SDK1: variants seen among roughly 807,000 people sequenced by gnomAD.
SDK1 encodes protein sidekick-1.
Under a neutral mutation model 245.5 loss-of-function variants are expected in SDK1, and 157 were observed. The ratio of observed to expected loss-of-function variants is 0.64; its 90% CI spans 0.56 to 0.73. The LOEUF (loss-of-function observed/expected upper bound fraction) is 0.73, where lower values mean the gene tolerates loss of function less well. SDK1 is among the 30% of genes least tolerant of loss of function. The pLI is 0.00. For missense variants in SDK1, 3,583 were observed against 3,002.3 expected (o/e 1.19, Z -4.52); for synonymous variants, 1,647 against 1,278.5 (o/e 1.29, Z -6.15).
intron 4 of SDK1, among the ~76,000 whole-genome samples, chr7:3,757,906 C>T (rs1779982921): frequency 6.6e-6 from 1 of 152,162 alleles, no homozygotes; most frequent in South Asian, 2.1e-4. Flanking sequence ...CATCCTGAAG[C>T]TATCTAGGGG....
intron 1 of SDK1, among the ~76,000 whole-genome samples, chr7:3,444,272 G>A (rs1185173754): frequency 6.6e-6 from 1 of 152,176 alleles, no homozygotes; most frequent in East Asian, 1.9e-4. Context: ...CTGCCTGCTA[G>A]CTGGTTTTGC....
intron 1 of SDK1, among the ~76,000 whole-genome samples, chr7:3,318,407 C>T (rs2128546109): frequency 6.6e-6 from 1 of 152,278 alleles, no homozygotes; most frequent in Admixed American, 6.5e-5. Flanking sequence ...ATCTCTCTCT[C>T]ACAAGGTTTT....
chr7:3,975,479 A>T (rs1782850305), intron 13 of SDK1, among the ~76,000 whole-genome samples: 2 of 152,172 alleles, frequency 1.3e-5, no homozygotes, highest in African/African-American at 4.8e-5. Context: ...CATTCCCCAC[A>T]AATAGAATTT....
chr7:4,108,044 A>G (rs1256864115), intron 22 of SDK1, among the ~76,000 whole-genome samples: 1 of 152,116 alleles, frequency 6.6e-6, no homozygotes, highest in African/African-American at 2.4e-5. Flanking sequence ...GCTCCTCTCC[A>G]CTAGACACTG....
Position 4,265,321 on chromosome 7 carries a change from C to T in SDK1, c.6579C>T (p.Gly2193=), listed in dbSNP as rs965318888. The change falls in exon 45 of 45, where the codon GGC becomes GGT. Residue 2193 remains glycine, a synonymous_variant. Transcript: ENST00000404826. ...HPVITTQSAG[G]VYTPAGPGAR... ...TCATCACCACGCAGAGCGCGGGCGG[C>T]GTCTACACCCCCGCTGGCCCCGGCG... 9.8e-6 allele frequency: 15 copies of T among 1,528,348 alleles called. No individual in the cohort carries two copies. In the African/African-American group the frequency reaches 1.7e-4, roughly 17 times the overall value. 94.7% of individuals were successfully genotyped at this position (1,528,348 alleles called of 1,614,324 possible).
chr7:3,939,758 T>C (rs1780288490), intron 5 of SDK1, among the ~76,000 whole-genome samples: 1 of 152,208 alleles, frequency 6.6e-6, no homozygotes. Context: ...AGATGCCTGC[T>C]CCCCTTGGTG....
At chr7:4,177,943 G>A (rs1449712270) in intron 34 of SDK1, among the ~76,000 whole-genome samples, 1 of 151,840 alleles carries the variant, frequency 6.6e-6, no homozygotes, top group Non-Finnish European at 1.5e-5. Context: ...GGAACAGCAC[G>A]TGCAAGAGAG....
At chr7:3,748,680 A>C (rs1406600916) in intron 4 of SDK1, among the ~76,000 whole-genome samples, 1 of 152,198 alleles carries the variant, frequency 6.6e-6, no homozygotes, top group Non-Finnish European at 1.5e-5. Flanking sequence ...AACTGTAAAA[A>C]TTCTCTTTTG....
intron 1 of SDK1, among the ~76,000 whole-genome samples, chr7:3,541,465 C>T (rs1779051509): frequency 6.6e-6 from 1 of 152,196 alleles, no homozygotes. Context: ...CATCCATTCC[C>T]AACCTCTTTT....
At chr7:4,108,042 C>T (rs1783060377) in intron 22 of SDK1, among the ~76,000 whole-genome samples, 1 of 152,194 alleles carries the variant, frequency 6.6e-6, no homozygotes, top group African/African-American at 2.4e-5. Context: ...CGGCTCCTCT[C>T]CACTAGACAC....
intron 4 of SDK1, among the ~76,000 whole-genome samples, chr7:3,644,189 A>G (rs1363941295): frequency 6.6e-6 from 1 of 150,774 alleles, no homozygotes; most frequent in African/African-American, 2.4e-5. Context: ...GGCATGAGCC[A>G]CCACTTAAGC....
In SDK1 at chr7:3,682,070, G is replaced by A. The variant is rs115743965; in HGVS notation, c.713+39965G>A. ...ATCAGTTAAAGTAGTTGTTTAGTTG[G>A]TAGAATTTTGAAGTATCTGCCTGTC... On this transcript the variant is annotated intron_variant, in intron 4 of 44. Coordinates refer to ENST00000404826, the MANE Select transcript of SDK1 (RefSeq NM_152744.4). Among the ~76,000 whole-genome samples, 664 of 152,272 alleles carry A rather than the reference G, an allele frequency of 4.4e-3. 5 individuals are homozygous for A. The highest frequency in any genetic ancestry group is 0.015 in the African/African-American group (614 of 41,548).
intron 4 of SDK1, among the ~76,000 whole-genome samples, chr7:3,668,483 A>G (rs950198244): frequency 5.3e-5 from 8 of 152,162 alleles, no homozygotes; most frequent in Non-Finnish European, 1.0e-4. Context: ...CATAAAAACT[A>G]TATTGCCTTG....
chr7:3,621,977 T>C (rs141538471), intron 2 of SDK1, among the ~76,000 whole-genome samples: 7 of 152,328 alleles, frequency 4.6e-5, no homozygotes, highest in African/African-American at 1.4e-4. Flanking sequence ...TTCAACAGTT[T>C]ATTATAAAGC....
intron 32 of SDK1, among the ~76,000 whole-genome samples, 156 bp from the exon 33 acceptor site, chr7:4,174,066 G>C (rs1782019355): frequency 6.6e-6 from 1 of 152,208 alleles, no homozygotes; most frequent in South Asian, 2.1e-4. Context: ...CCTGGGAGCT[G>C]CCTGGGTTCG....
chr7:4,109,388 C>A (rs999815684), intron 22 of SDK1, among the ~76,000 whole-genome samples: 8 of 152,232 alleles, frequency 5.3e-5, no homozygotes, highest in African/African-American at 1.9e-4. Context: ...AATTCTCCTG[C>A]CACCCTCCCA....
chr7:3,563,114 T>G (rs1283179212), intron 1 of SDK1, among the ~76,000 whole-genome samples: 4 of 152,026 alleles, frequency 2.6e-5, no homozygotes, highest in African/African-American at 9.7e-5. Context: ...GGGGAGACAT[T>G]GTGAAAATGA....
chr7:3,476,103 T>G lies in SDK1; in HGVS notation c.299-142977T>G, dbSNP rs577670822. ...CTATTTTCAAACAATTTCTCTCTGT[T>G]TTAGATTAAGTGACTAATTTTCTTT... is the stretch of plus-strand genomic sequence containing the variant. On this transcript the variant is annotated intron_variant, in intron 1 of 44. Coordinates refer to ENST00000404826, the MANE Select transcript of SDK1 (RefSeq NM_152744.4). 3 of 152,782 alleles carry G rather than the reference T, an allele frequency of 2.0e-5. No homozygotes were observed. In the East Asian group the frequency reaches 5.8e-4, roughly 29 times the overall value. The allele number at this position is 152,782 out of a possible 1,614,324, so 9.5% of individuals were successfully genotyped here.
At chr7:4,109,783 C>T (rs1211525728) in intron 22 of SDK1, among the ~76,000 whole-genome samples, 5 of 152,122 alleles carry the variant, frequency 3.3e-5, no homozygotes, top group South Asian at 4.1e-4. Flanking sequence ...GCAGTAGAAG[C>T]GGCACTGGCA....
Sources: allele counts gnomAD v4.1 joint callset (sites outside exome capture counted in the v4.1 genomes callset), GRCh38; gene constraint gnomAD v4.1.1; transcripts MANE v1.5; gene names NCBI Gene and HGNC (gene_info 2026-07-23, HGNC 2026-07-21).